NALF1: variants seen among roughly 807,000 people sequenced by gnomAD.
NALF1 encodes family with sequence similarity 155 member A.
In NALF1, 3 loss-of-function variants were observed where a neutral mutation model predicts 48.4. That is an observed-to-expected ratio of 0.06 (90% CI 0.03 to 0.16). NALF1 has a LOEUF of 0.16. Ranked by LOEUF, NALF1 falls within the 10% of genes least tolerant of loss-of-function variation. NALF1 has a pLI of 1.00. For synonymous variants in NALF1, 262 were observed against 245.7 expected, an observed-to-expected ratio of 1.07 and a Z score of -0.62; for missense variants, 526 against 571.5, an observed-to-expected ratio of 0.92 and a Z score of 0.81.
At chr13:107,739,809 T>A (rs565173460) in intron 1 of NALF1, among the ~76,000 whole-genome samples, 70 of 152,246 alleles carry the variant, frequency 4.6e-4, no homozygotes, top group African/African-American at 1.5e-3. Context: ...CTGCATCCTG[T>A]CGCATCGGTG....
intron 1 of NALF1, among the ~76,000 whole-genome samples, chr13:107,775,041 T>C (rs886102973): frequency 1.1e-4 from 17 of 152,140 alleles, no homozygotes; most frequent in Admixed American, 5.9e-4. Context: ...TGCTTTCACA[T>C]TTTATTTCAT....
intron 1 of NALF1, among the ~76,000 whole-genome samples, chr13:107,427,632 T>A (rs1486750204): frequency 3.3e-5 from 5 of 152,194 alleles, no homozygotes; most frequent in African/African-American, 1.2e-4. Context: ...AAGTTTGTGA[T>A]GATACATTTG....
chr13:107,173,016 T>C (rs1257775111), intron 2 of NALF1, among the ~76,000 whole-genome samples: 4 of 152,178 alleles, frequency 2.6e-5, no homozygotes, highest in Non-Finnish European at 4.4e-5. Flanking sequence ...AATTTATGAA[T>C]AACATGCATC....
chr13:107,843,502 T>C (rs1026894946), intron 1 of NALF1, among the ~76,000 whole-genome samples: 1 of 152,182 alleles, frequency 6.6e-6, no homozygotes, highest in South Asian at 2.1e-4. Flanking sequence ...CATCATGACC[T>C]GGAAACTTAT....
intron 1 of NALF1, among the ~76,000 whole-genome samples, chr13:107,820,277 A>G (rs965948128): frequency 3.3e-5 from 5 of 152,242 alleles, no homozygotes; most frequent in Non-Finnish European, 7.3e-5. Context: ...TGTGAATGCA[A>G]GAATTTCCTG....
intron 1 of NALF1, among the ~76,000 whole-genome samples, chr13:107,347,584 C>G (rs1594130950): frequency 6.6e-6 from 1 of 152,276 alleles, no homozygotes; most frequent in South Asian, 2.1e-4. Context: ...TCTATCCAGC[C>G]ATGTCAAGTA....
chr13:107,489,502 C>A (rs1425698709), intron 1 of NALF1, among the ~76,000 whole-genome samples: 3 of 152,000 alleles, frequency 2.0e-5, no homozygotes, highest in Non-Finnish European at 2.9e-5. Flanking sequence ...ACAAACCAGA[C>A]AAAAACAAGC....
intron 1 of NALF1, among the ~76,000 whole-genome samples, chr13:107,586,422 G>A (rs1245908703): frequency 6.6e-6 from 1 of 151,974 alleles, no homozygotes; most frequent in Non-Finnish European, 1.5e-5. Flanking sequence ...GTGATTCACT[G>A]GGACTCCAAA....
At chr13:107,565,674 T>G (rs1382062430) in intron 1 of NALF1, among the ~76,000 whole-genome samples, 1 of 152,156 alleles carries the variant, frequency 6.6e-6, no homozygotes, top group Non-Finnish European at 1.5e-5. Flanking sequence ...AATGAGACCG[T>G]GCCCATGAGT....
chr13:107,415,720 T>A (rs895716236), intron 1 of NALF1, among the ~76,000 whole-genome samples: 2 of 152,168 alleles, frequency 1.3e-5, no homozygotes, highest in Admixed American at 6.5e-5. Context: ...AAATAAGAAA[T>A]TGGATAACCA....
chr13:107,442,286 G>A (rs145833214), intron 1 of NALF1, among the ~76,000 whole-genome samples: 17 of 152,324 alleles, frequency 1.1e-4, no homozygotes, highest in Non-Finnish European at 2.1e-4. Context: ...AATTCAGACA[G>A]TAATTTTGTC....
intron 1 of NALF1, among the ~76,000 whole-genome samples, chr13:107,334,458 C>T (rs997116291): frequency 6.6e-6 from 1 of 152,114 alleles, no homozygotes; most frequent in Non-Finnish European, 1.5e-5. Context: ...TAGAAGGATC[C>T]TTCATATCTT....
chr13:107,517,828 G>A (rs1338441554), intron 1 of NALF1, among the ~76,000 whole-genome samples: 1 of 152,026 alleles, frequency 6.6e-6, no homozygotes, highest in Non-Finnish European at 1.5e-5. Context: ...GGTGATGCAT[G>A]ACTGTAATCC....
chr13:107,599,192 G>A (rs1052887135), intron 1 of NALF1, among the ~76,000 whole-genome samples: 9 of 152,142 alleles, frequency 5.9e-5, no homozygotes, highest in East Asian at 3.9e-4. Flanking sequence ...AGGCCGAGGC[G>A]GGCAGATCAC....
At chr13:107,758,357 C>G (rs1877173709) in intron 1 of NALF1, among the ~76,000 whole-genome samples, 1 of 152,174 alleles carries the variant, frequency 6.6e-6, no homozygotes, top group East Asian at 1.9e-4. Flanking sequence ...TAAAACAATT[C>G]ATTTTTAATT....
chr13:107,796,153 C>T (rs575288255), intron 1 of NALF1, among the ~76,000 whole-genome samples: 2 of 152,190 alleles, frequency 1.3e-5, no homozygotes, highest in East Asian at 3.9e-4. Context: ...AATAATCCCC[C>T]TTAAATATAT....
intron 1 of NALF1, among the ~76,000 whole-genome samples, chr13:107,427,208 C>T (rs1884295656): frequency 6.6e-6 from 1 of 151,508 alleles, no homozygotes; most frequent in Non-Finnish European, 1.5e-5. Flanking sequence ...TTTTCTTTTT[C>T]ATTAAGTAAT....
At chr13:107,842,870 G>C (rs1420579009) in intron 1 of NALF1, among the ~76,000 whole-genome samples, 1 of 152,018 alleles carries the variant, frequency 6.6e-6, no homozygotes, top group African/African-American at 2.4e-5. Flanking sequence ...ATCTGCCGGT[G>C]TGATATTTCT....
At chr13:107,722,574 G>C (rs1314179357) in intron 1 of NALF1, among the ~76,000 whole-genome samples, 1 of 152,008 alleles carries the variant, frequency 6.6e-6, no homozygotes, top group Non-Finnish European at 1.5e-5. Context: ...CCTCCCTAGC[G>C]GGCCCCTAGC....
Sources: allele counts gnomAD v4.1 joint callset (sites outside exome capture counted in the v4.1 genomes callset), GRCh38; gene constraint gnomAD v4.1.1; transcripts MANE v1.5; gene names NCBI Gene and HGNC (gene_info 2026-07-23, HGNC 2026-07-21).